Variants in DYNC1I1 observed in about 807,000 individuals in gnomAD.
The protein encoded by DYNC1I1 is dynein cytoplasmic 1 intermediate chain 1, also known as cytoplasmic dynein 1 intermediate chain 1.
DYNC1I1 carries 43 observed loss-of-function variants against 86.6 expected under a neutral mutation model. The ratio of observed to expected loss-of-function variants is 0.50; its 90% CI spans 0.39 to 0.64. DYNC1I1 has a LOEUF of 0.64. Ranked by LOEUF, DYNC1I1 falls within the 30% of genes least tolerant of loss-of-function variation. DYNC1I1 has a pLI of 0.00. For synonymous variants in DYNC1I1, 262 were observed against 283.7 expected, an observed-to-expected ratio of 0.92 and a Z score of 0.77; for missense variants, 604 against 788.8, an observed-to-expected ratio of 0.77 and a Z score of 2.81.
chr7:96,048,028 A>G (rs1434946187), intron 14 of DYNC1I1, among the ~76,000 whole-genome samples: 2 of 152,096 alleles, frequency 1.3e-5, no homozygotes, highest in African/African-American at 4.8e-5. Context: ...GAAGGAGGAA[A>G]GAAGAGAAGG....
At chr7:95,944,051 G>T (rs1440763088) in intron 6 of DYNC1I1, among the ~76,000 whole-genome samples, 1 of 152,158 alleles carries the variant, frequency 6.6e-6, no homozygotes, top group Non-Finnish European at 1.5e-5. Context: ...AAGAGCTCCT[G>T]CACAGGAAAA....
chr7:95,802,312 A>G (rs557404675), intron 1 of DYNC1I1, among the ~76,000 whole-genome samples: 2 of 152,276 alleles, frequency 1.3e-5, no homozygotes, highest in East Asian at 1.9e-4. Context: ...TTTAAAGGCT[A>G]CTAAGAGTTC....
intron 6 of DYNC1I1, among the ~76,000 whole-genome samples, chr7:95,922,329 A>G (rs1584162522): frequency 6.6e-6 from 1 of 152,254 alleles, no homozygotes; most frequent in East Asian, 1.9e-4. Flanking sequence ...TTTCTGTAGG[A>G]CACAGAAGGC....
chr7:96,093,251 T>A (rs921143318), intron 16 of DYNC1I1, among the ~76,000 whole-genome samples: 17 of 152,206 alleles, frequency 1.1e-4, no homozygotes, highest in Non-Finnish European at 2.5e-4. Context: ...ACCTTTCTCA[T>A]GCTCTCCACA....
intron 1 of DYNC1I1, among the ~76,000 whole-genome samples, chr7:95,786,949 C>T (rs1794164756): frequency 6.6e-6 from 1 of 152,162 alleles, no homozygotes. Flanking sequence ...TGAGCATCAA[C>T]ATTCTTACCT....
chr7:96,040,731 C>CT (rs1286491597), intron 14 of DYNC1I1, among the ~76,000 whole-genome samples: 24 of 123,670 alleles, frequency 1.9e-4, no homozygotes, highest in African/African-American at 2.7e-4. Context: ...TTTTTTTTTT[C>CT]TTTTTTTTGA....
chr7:96,031,158 A>G (rs1291965253), intron 11 of DYNC1I1, among the ~76,000 whole-genome samples: 1 of 152,208 alleles, frequency 6.6e-6, no homozygotes, highest in Non-Finnish European at 1.5e-5. Context: ...CCAGGTTTCT[A>G]TATTCTGCTG....
At chr7:95,914,337 A>G (rs1228388919) in intron 6 of DYNC1I1, among the ~76,000 whole-genome samples, 3 of 152,138 alleles carry the variant, frequency 2.0e-5, no homozygotes, top group African/African-American at 4.8e-5. Flanking sequence ...TATTATGGTT[A>G]TTTTTATAGG....
intron 5 of DYNC1I1, among the ~76,000 whole-genome samples, chr7:95,851,661 G>A (rs1789582265): frequency 6.6e-6 from 1 of 151,962 alleles, no homozygotes; most frequent in Admixed American, 6.6e-5. Context: ...AGAGATATAT[G>A]ACTATAGTCT....
chr7:95,911,967 C>T (rs976605725), intron 6 of DYNC1I1, among the ~76,000 whole-genome samples: 12 of 152,174 alleles, frequency 7.9e-5, no homozygotes, highest in Non-Finnish European at 1.8e-4. Context: ...CCCAAGCACT[C>T]AAATTTGTGA....
At chr7:95,819,727 G>C (rs1049377289) in intron 4 of DYNC1I1, among the ~76,000 whole-genome samples, 1 of 152,130 alleles carries the variant, frequency 6.6e-6, no homozygotes, top group Non-Finnish European at 1.5e-5. Context: ...CGACTTTGGG[G>C]AGACTGAAGT....
intron 4 of DYNC1I1, among the ~76,000 whole-genome samples, chr7:95,816,014 A>ATT (rs11458012): frequency 1.1e-3 from 163 of 147,172 alleles, no homozygotes; most frequent in Middle Eastern, 3.5e-3. Context: ...CCTCTTATTG[A>ATT]TTTTTTTTTT....
At chr7:95,848,718 A>G (rs1273309953) in intron 5 of DYNC1I1, among the ~76,000 whole-genome samples, 1 of 151,992 alleles carries the variant, frequency 6.6e-6, no homozygotes, top group East Asian at 1.9e-4. Flanking sequence ...TGACATGCTT[A>G]TTTTATTTTC....
chr7:95,971,495 C>T (rs1442271041), intron 6 of DYNC1I1, among the ~76,000 whole-genome samples: 3 of 152,022 alleles, frequency 2.0e-5, no homozygotes, highest in African/African-American at 7.2e-5. Context: ...TCCAAAAAAA[C>T]AAACAAACAA....
intron 6 of DYNC1I1, among the ~76,000 whole-genome samples, chr7:95,893,190 C>T (rs1362728177): frequency 6.6e-6 from 1 of 152,096 alleles, no homozygotes; most frequent in African/African-American, 2.4e-5. Context: ...ATTTATTCAT[C>T]CTGAAGGGCT....
intron 6 of DYNC1I1, among the ~76,000 whole-genome samples, chr7:95,961,977 A>T (rs939021452): frequency 6.6e-6 from 1 of 152,066 alleles, no homozygotes; most frequent in Non-Finnish European, 1.5e-5. Context: ...ACCCTCCTTC[A>T]TGATGTGCCC....
chr7:96,065,719 T>C (rs543954126), intron 14 of DYNC1I1, among the ~76,000 whole-genome samples: 35 of 152,298 alleles, frequency 2.3e-4, no homozygotes, highest in Non-Finnish European at 4.4e-5. Flanking sequence ...CAGCACCTCG[T>C]GTGACTGATT....
chr7:95,783,113 G>A (rs554386542), intron 1 of DYNC1I1, among the ~76,000 whole-genome samples: 16 of 152,218 alleles, frequency 1.1e-4, no homozygotes, highest in African/African-American at 3.6e-4. Flanking sequence ...AGGCTTGAGG[G>A]TGGAGCGTTT....
At chr7:95,803,803 T>A (rs1794639165) in intron 1 of DYNC1I1, among the ~76,000 whole-genome samples, 1 of 152,196 alleles carries the variant, frequency 6.6e-6, no homozygotes, top group Non-Finnish European at 1.5e-5. Flanking sequence ...TTCTCAAGGT[T>A]TCCATTTTGT....
Sources: gnomAD v4.1 joint callset for allele counts (sites outside exome capture counted in the v4.1 genomes callset) on GRCh38, gnomAD v4.1.1 for gene constraint, MANE v1.5 for transcripts, NCBI Gene and HGNC (gene_info 2026-07-23, HGNC 2026-07-21) for gene names.